Variants in PITPNM3 observed in about 807,000 individuals in gnomAD.
PITPNM3 encodes PITPNM family member 3.
A neutral mutation model predicts 102.0 loss-of-function variants in PITPNM3; 26 were observed. The observed-to-expected ratio is 0.25, with a 90% CI of 0.19 to 0.35. The LOEUF (loss-of-function observed/expected upper bound fraction) is 0.35. Among genes scored for constraint, PITPNM3 ranks in the 10% least tolerant of loss-of-function variants. PITPNM3 has a pLI of 1.00. For missense variants in PITPNM3, 1,083 were observed against 1,346.1 expected (o/e 0.80, Z 3.06); for synonymous variants, 578 against 558.6 (o/e 1.03, Z -0.49).
rs757590845 is a variant in PITPNM3, at chr17:6,471,205, C to T, written c.1580G>A (p.Ser527Asn). ...TGCCATGCTGTCCGAGGACTCCGAGCTCTCGCTGTGGGAGCTCCCCTCGCT... is the reference window on the plus strand; with the variant it reads ...TGCCATGCTGTCCGAGGACTCCGAGTTCTCGCTGTGGGAGCTCCCCTCGCT... ...RMSEGSSHSE[S>N]SESSDSMAPV... The change falls in exon 12 of 20, where the codon AGC (serine) becomes AAC (asparagine). Residue 527 changes from serine to asparagine, a missense_variant. This residue lies in a region of PITPNM3 where 410 missense variants were observed against 638.4 expected (regional missense o/e 0.64). Coordinates refer to ENST00000262483, the MANE Select transcript of PITPNM3 (RefSeq NM_031220.4). 2 of 1,613,276 alleles carry T rather than the reference C, an allele frequency of 1.2e-6. No individual in the cohort carries two copies. Among genetic ancestry groups the T allele is most frequent in the South Asian group, 1.1e-5 (1 of 91,040 alleles).
At chr17:6,512,905 A>C (rs1357142105) in intron 3 of PITPNM3, among the ~76,000 whole-genome samples, 1 of 152,174 alleles carries the variant, frequency 6.6e-6, no homozygotes, top group Admixed American at 6.5e-5. Flanking sequence ...GAGATATATA[A>C]ACCCCAAGCA....
chr17:6,539,616 C>T (rs917289028), intron 1 of PITPNM3, among the ~76,000 whole-genome samples: 1 of 152,212 alleles, frequency 6.6e-6, no homozygotes, highest in Non-Finnish European at 1.5e-5. Flanking sequence ...ACACAAAATA[C>T]TTAGGCATAA....
At chr17:6,550,997 T>C (rs1910272121) in intron 1 of PITPNM3, among the ~76,000 whole-genome samples, 1 of 152,162 alleles carries the variant, frequency 6.6e-6, no homozygotes. Flanking sequence ...GAGGTCGGCG[T>C]ATTTGCATAG....
intron 18 of PITPNM3, 136 bp downstream of exon 18, chr17:6,461,237 C>T (rs1170802765): frequency 2.8e-6 from 3 of 1,081,422 alleles, no homozygotes; most frequent in Non-Finnish European, 4.1e-6. Flanking sequence ...GCTAGAGGGC[C>T]CATCCAGATC....
chr17:6,473,302 G>GAA lies in PITPNM3; in HGVS notation c.1259-476_1259-475insTT, dbSNP rs1905148142. On this transcript the variant is annotated intron_variant, in intron 10 of 19. Transcript: ENST00000262483. ...CTAGAGTTCCAGGTTTGCCAGAGCT[G>GAA]GTGGAACACTTCTCTCGCTGACCAG... The GAA allele has an allele frequency of 1.7e-4, 40 of 240,450 alleles. No individual in the cohort carries two copies. In the South Asian group the frequency reaches 2.1e-3, roughly 13 times the overall value. 14.9% of individuals were successfully genotyped at this position (240,450 alleles called of 1,614,324 possible). A position where few individuals can be genotyped will look rare whatever the true frequency, so the allele number is the denominator to read the frequency against.
At chr17:6,554,689 A>C (rs1377447282) in intron 1 of PITPNM3, among the ~76,000 whole-genome samples, 4 of 152,064 alleles carry the variant, frequency 2.6e-5, no homozygotes, top group Non-Finnish European at 4.4e-5. Flanking sequence ...TAAGGGGGTG[A>C]CCTATCAGGG....
chr17:6,524,005 G>A (rs966704126), intron 3 of PITPNM3, among the ~76,000 whole-genome samples: 15 of 152,228 alleles, frequency 9.9e-5, no homozygotes, highest in East Asian at 3.9e-4. Context: ...TGGGCAAGAC[G>A]TGGCTCCTCT....
intron 1 of PITPNM3, among the ~76,000 whole-genome samples, chr17:6,555,220 G>C (rs908314078): frequency 6.6e-6 from 1 of 152,182 alleles, no homozygotes; most frequent in East Asian, 1.9e-4. Flanking sequence ...GCCCCACCCC[G>C]ACAGGACTCC....
At chr17:6,519,441 C>T (rs1276670787) in intron 3 of PITPNM3, among the ~76,000 whole-genome samples, 1 of 150,348 alleles carries the variant, frequency 6.7e-6, no homozygotes, top group Non-Finnish European at 1.5e-5. Flanking sequence ...ATGACGTGAA[C>T]CTGGGAGGCG....
chr17:6,527,856 T>A (rs1908919962), intron 2 of PITPNM3, among the ~76,000 whole-genome samples: 1 of 152,210 alleles, frequency 6.6e-6, no homozygotes, highest in African/African-American at 2.4e-5. Flanking sequence ...TCTTCTACAG[T>A]GCCATAAGTC....
intron 4 of PITPNM3, among the ~76,000 whole-genome samples, chr17:6,488,612 T>C (rs924876360): frequency 6.6e-6 from 1 of 152,114 alleles, no homozygotes; most frequent in Non-Finnish European, 1.5e-5. Context: ...CAGGGAAGCA[T>C]CATCCACTGA....
At chr17:6,544,591 G>A (rs1202053072) in intron 1 of PITPNM3, among the ~76,000 whole-genome samples, 3 of 151,754 alleles carry the variant, frequency 2.0e-5, no homozygotes, top group Non-Finnish European at 4.4e-5. Flanking sequence ...TGAGAGCAGT[G>A]CCTGGCTGCA....
At chr17:6,523,664 G>A (rs990170619) in intron 3 of PITPNM3, among the ~76,000 whole-genome samples, 9 of 152,358 alleles carry the variant, frequency 5.9e-5, no homozygotes, top group Admixed American at 1.3e-4. Flanking sequence ...TGTGGGGCAG[G>A]ACCTAGAATC....
chr17:6,474,704 G>A (rs1266011204), intron 9 of PITPNM3, 100 bp from the exon 10 acceptor site: 2 of 1,379,828 alleles, frequency 1.4e-6, no homozygotes, highest in African/African-American at 1.4e-5. Flanking sequence ...AGCGTGAAGT[G>A]CCCAACCCTC....
rs749183351 is a variant in PITPNM3 at position 6,472,621 on chromosome 17, A to G, written c.1429+36T>C. 2 of 1,598,934 alleles carry G rather than the reference A, an allele frequency of 1.3e-6. No individual in the cohort carries two copies. The highest frequency in any genetic ancestry group is 2.3e-5 in the East Asian group (1 of 44,042). Reference sequence around the variant, plus strand: ...TTGAATGGGCTGGGGCCCCACCTCCAGCTCAGCACACTCTCTCCCACCCCC... The same window carrying G: ...TTGAATGGGCTGGGGCCCCACCTCCGGCTCAGCACACTCTCTCCCACCCCC... On this transcript the variant is annotated intron_variant, in intron 11 of 19. Transcript: ENST00000262483. The surrounding 1 kb of genome is among the most constrained non-coding windows in gnomAD (Gnocchi z 4.1).
intron 2 of PITPNM3, among the ~76,000 whole-genome samples, chr17:6,533,106 G>A (rs1430614710): frequency 2.6e-5 from 4 of 152,156 alleles, no homozygotes; most frequent in African/African-American, 9.6e-5. Context: ...GGGATTACAG[G>A]AATGCTCCAC....
intron 2 of PITPNM3, among the ~76,000 whole-genome samples, chr17:6,536,539 C>T (rs1909442683): frequency 6.6e-6 from 1 of 152,146 alleles, no homozygotes. Context: ...GTTCCCCGCC[C>T]AGAGCCAAGA....
chr17:6,526,517 A>G lies in PITPNM3; in HGVS notation c.119-1054T>C, dbSNP rs149352417. Among the ~76,000 whole-genome samples the G allele has an allele frequency of 2.8e-4, 42 of 152,346 alleles. No homozygotes were observed. The East Asian group carries it at 5.8e-3, about 21-fold the overall frequency. On this transcript the variant is annotated intron_variant, in intron 2 of 19. Transcript: ENST00000262483. ...TCACTGCCAAAGAACTTTACCTAGC[A>G]GAAGGAATCAATATGGTGCATCTGA... is the stretch of plus-strand genomic sequence containing the variant.
chr17:6,543,207 T>TA (rs1233297732), intron 1 of PITPNM3, among the ~76,000 whole-genome samples: 3 of 152,156 alleles, frequency 2.0e-5, no homozygotes, highest in Non-Finnish European at 4.4e-5. Context: ...CTGGCCCCGA[T>TA]ACCCACCACC....
Sources: allele counts gnomAD v4.1 joint callset (sites outside exome capture counted in the v4.1 genomes callset), GRCh38; gene constraint gnomAD v4.1.1; regional missense constraint gnomAD v4.1.1; non-coding constraint Gnocchi (gnomAD v3.1); transcripts MANE v1.5; gene names NCBI Gene and HGNC (gene_info 2026-07-23, HGNC 2026-07-21).